Variants in SEMA3A observed in about 807,000 individuals in gnomAD.
The protein encoded by SEMA3A is semaphorin 3A, also known as semaphorin-3A.
A neutral mutation model predicts 97.9 loss-of-function variants in SEMA3A; 29 were observed. That is an observed-to-expected ratio of 0.30 (90% CI 0.22 to 0.40). The LOEUF is 0.40. Among genes scored for constraint, SEMA3A ranks in the 10% least tolerant of loss-of-function variants. The pLI is 1.00. For missense variants in SEMA3A, 763 were observed against 951.3 expected, an observed-to-expected ratio of 0.80 and a Z score of 2.60; for synonymous variants, 321 against 323.7, an observed-to-expected ratio of 0.99 and a Z score of 0.09.
chr7:83,963,128 C>T, intron 16 of SEMA3A, 77 bp downstream of exon 16: 1 of 1,516,808 alleles, frequency 6.6e-7, no homozygotes, highest in South Asian at 1.1e-5. Flanking sequence ...TTTTTCTTTC[C>T]TCAAGTGAAA....
At chr7:84,421,595 G>C (rs1462087950) in intron 1 of SEMA3A, among the ~76,000 whole-genome samples, 1 of 152,018 alleles carries the variant, frequency 6.6e-6, no homozygotes, top group Non-Finnish European at 1.5e-5. Flanking sequence ...GTCTTGTGCT[G>C]GGTTTCAAAG....
chr7:84,228,216 T>C (rs1799035318), intron 3 of SEMA3A, among the ~76,000 whole-genome samples: 1 of 151,882 alleles, frequency 6.6e-6, no homozygotes, highest in Non-Finnish European at 1.5e-5. Flanking sequence ...TTGGGAACTA[T>C]GAAGTAAAGG....
chr7:83,982,488 G>A (rs1482502631), intron 13 of SEMA3A, among the ~76,000 whole-genome samples: 1 of 152,062 alleles, frequency 6.6e-6, no homozygotes, highest in Non-Finnish European at 1.5e-5. Context: ...AAATTATTTT[G>A]CAATTTCTCC....
intron 1 of SEMA3A, among the ~76,000 whole-genome samples, chr7:84,154,042 A>G (rs1796759996): frequency 1.3e-5 from 2 of 152,100 alleles, no homozygotes; most frequent in South Asian, 4.1e-4. Flanking sequence ...ATTAATTTCA[A>G]ATAAATATAT....
intron 1 of SEMA3A, among the ~76,000 whole-genome samples, chr7:84,455,705 A>G (rs1314566717): frequency 1.3e-5 from 2 of 152,006 alleles, no homozygotes; most frequent in Non-Finnish European, 2.9e-5. Context: ...AGTATTCTTA[A>G]GTTTAGAACG....
At chr7:84,296,913 A>G (rs1190694212) in intron 3 of SEMA3A, among the ~76,000 whole-genome samples, 4 of 152,162 alleles carry the variant, frequency 2.6e-5, no homozygotes, top group Admixed American at 6.6e-5. Context: ...AATTATGTCA[A>G]TTTTGTCATA....
chr7:84,034,198 G>A (rs1295152981), intron 6 of SEMA3A, among the ~76,000 whole-genome samples: 1 of 151,950 alleles, frequency 6.6e-6, no homozygotes, highest in Non-Finnish European at 1.5e-5. Context: ...TGGCTAGGCT[G>A]GTCTCGAACT....
chr7:84,069,135 T>C (rs573055944), intron 4 of SEMA3A, among the ~76,000 whole-genome samples: 1 of 152,194 alleles, frequency 6.6e-6, no homozygotes, highest in South Asian at 2.1e-4. Context: ...AGAGATAAAA[T>C]GACACTTCTT....
chr7:84,112,363 A>G (rs1302777006), intron 3 of SEMA3A, among the ~76,000 whole-genome samples: 1 of 152,170 alleles, frequency 6.6e-6, no homozygotes, highest in Non-Finnish European at 1.5e-5. Context: ...ACCCAGATGG[A>G]TGTCTTTTTC....
At chr7:84,119,202 G>T (rs1344746504) in intron 3 of SEMA3A, among the ~76,000 whole-genome samples, 3 of 151,978 alleles carry the variant, frequency 2.0e-5, no homozygotes, top group African/African-American at 4.8e-5. Context: ...GAATACATAT[G>T]GAATAAACAC....
intron 1 of SEMA3A, among the ~76,000 whole-genome samples, chr7:84,442,681 A>G (rs1369450798): frequency 6.6e-6 from 1 of 152,154 alleles, no homozygotes; most frequent in African/African-American, 2.4e-5. Context: ...AGCAGAATGG[A>G]TTAAACAAGC....
intron 1 of SEMA3A, among the ~76,000 whole-genome samples, chr7:84,136,996 GGAAGGAA>G: frequency 6.6e-6 from 1 of 151,412 alleles, no homozygotes; most frequent in Admixed American, 6.6e-5. Context: ...AAGGAAGGAA[GGAAGGAA>G]GGAAAAGAGT....
intron 1 of SEMA3A, among the ~76,000 whole-genome samples, chr7:84,142,250 A>G (rs904073691): frequency 4.6e-5 from 7 of 152,232 alleles, no homozygotes; most frequent in African/African-American, 1.4e-4. Flanking sequence ...TATGTATAAC[A>G]CGTAGACCTT....
At chr7:84,145,245 CT>C (rs1449779055) in intron 1 of SEMA3A, among the ~76,000 whole-genome samples, 2 of 152,052 alleles carry the variant, frequency 1.3e-5, no homozygotes, top group African/African-American at 4.8e-5. Flanking sequence ...GCATAGTGCC[CT>C]GTACATACAT....
intron 1 of SEMA3A, among the ~76,000 whole-genome samples, chr7:84,397,216 G>A (rs867250343): frequency 4.7e-4 from 71 of 151,722 alleles, no homozygotes; most frequent in African/African-American, 1.7e-3. Context: ...GACTTTAATT[G>A]TCTGGTTCTG....
chr7:84,434,851 G>C (rs969086522), intron 1 of SEMA3A, among the ~76,000 whole-genome samples: 1 of 151,998 alleles, frequency 6.6e-6, no homozygotes, highest in Non-Finnish European at 1.5e-5. Context: ...AGAATTGAAG[G>C]AATATATGTC....
chr7:84,422,364 T>C (rs1480380672), intron 1 of SEMA3A, among the ~76,000 whole-genome samples: 1 of 151,854 alleles, frequency 6.6e-6, no homozygotes, highest in Non-Finnish European at 1.5e-5. Context: ...AGTGGTGATA[T>C]TCCTTTTATC....
At chr7:84,460,215 C>A (rs1219885417) in intron 1 of SEMA3A, among the ~76,000 whole-genome samples, 1 of 152,062 alleles carries the variant, frequency 6.6e-6, no homozygotes, top group Non-Finnish European at 1.5e-5. Flanking sequence ...ATGCTTCTTT[C>A]TGATAGATTG....
chr7:84,112,005 T>C (rs3801641), intron 3 of SEMA3A, among the ~76,000 whole-genome samples: 74,235 of 151,954 alleles, frequency 0.49, 19,329 homozygotes, highest in East Asian at 0.71. Flanking sequence ...CCCAAGAGAA[T>C]AGGGCATGAA....
Sources: gnomAD v4.1 joint callset for allele counts (sites outside exome capture counted in the v4.1 genomes callset) on GRCh38, gnomAD v4.1.1 for gene constraint, MANE v1.5 for transcripts, NCBI Gene and HGNC (gene_info 2026-07-23, HGNC 2026-07-21) for gene names.